The following CAMKK1 variants were observed in gnomAD, a reference collection of about 807,000 sequenced individuals.
CAMKK1 encodes calcium/calmodulin dependent protein kinase kinase 1.
A neutral mutation model predicts 63.5 loss-of-function variants in CAMKK1; 20 were observed. The observed-to-expected ratio is 0.32, with a 90% CI of 0.22 to 0.46. The LOEUF is 0.46. Ranked by LOEUF, CAMKK1 falls within the 20% of genes least tolerant of loss-of-function variation. CAMKK1 has a pLI of 1.00. For missense variants in CAMKK1, 588 were observed against 658.1 expected (o/e 0.89, Z 1.17); for synonymous variants, 253 against 269.0 (o/e 0.94, Z 0.58).
At chr17:3,880,758 A>G (rs2055373857) in intron 8 of CAMKK1, among the ~76,000 whole-genome samples, 1 of 150,508 alleles carries the variant, frequency 6.6e-6, no homozygotes, top group East Asian at 2.0e-4. Context: ...GAGGATCATG[A>G]AATCAATTTA....
Position 3,883,992 on chromosome 17 carries a change from A to C in CAMKK1, c.409-55T>G, listed in dbSNP as rs1417990533. On this transcript the variant is annotated intron_variant, in intron 3 of 15. Transcript: ENST00000348335. The surrounding 1 kb of genome is among the most constrained non-coding windows in gnomAD (Gnocchi z 4.7). ...GGACAGGGCAACCCCTCCCAGGACC[A>C]GCTCAGGAGGTGGGGAGCCGAGCAG... 1.2e-5 allele frequency: 19 copies of C among 1,565,196 alleles called. No homozygotes were observed. The East Asian group carries it at 3.8e-4, about 31-fold the overall frequency.
intron 14 of CAMKK1, among the ~76,000 whole-genome samples, chr17:3,867,647 C>A (rs528253673): frequency 1.3e-5 from 2 of 152,176 alleles, no homozygotes; most frequent in South Asian, 4.1e-4. Flanking sequence ...CCAGCGACCC[C>A]ACAGAGTCAA....
In CAMKK1 at chr17:3,890,751, C is replaced by T; in HGVS notation, c.-44+2188G>A. 2 of 779,814 alleles carry T rather than the reference C, an allele frequency of 2.6e-6. No individual in the cohort carries two copies. Among genetic ancestry groups the T allele is most frequent in the South Asian group, 2.7e-5 (2 of 74,626 alleles). The allele number at this position is 779,814 out of a possible 1,614,324, so 48.3% of individuals were successfully genotyped here. A position where few individuals can be genotyped will look rare whatever the true frequency, so the allele number is the denominator to read the frequency against. On this transcript the variant is annotated intron_variant, in intron 1 of 15. Transcript: ENST00000348335. This position sits in a 1 kb window ranked among gnomAD's most constrained non-coding sequence, Gnocchi z 6.5. The stretch of plus-strand genomic sequence containing the variant: ...TGCATACTCTGTTCTGCTGCCAGGC[C>T]TCAGTACAAGCTGTGCCTTCTGCCA...
chr17:3,875,797 A>G (rs1417551966), intron 10 of CAMKK1, among the ~76,000 whole-genome samples: 1 of 151,542 alleles, frequency 6.6e-6, no homozygotes, highest in Admixed American at 6.6e-5. Context: ...TCTGCCCCCC[A>G]CCCTGAGCCC....
rs916541869 is a variant in CAMKK1, at chr17:3,890,418, C to T, written c.-44+2521G>A. On this transcript the variant is annotated intron_variant, in intron 1 of 15. Transcript: ENST00000348335. The surrounding 1 kb of genome is among the most constrained non-coding windows in gnomAD (Gnocchi z 6.5). ...GGTCTCCAGGCCTCATCCTCTGCCCCTCCTCATCCTCCACACCAGGTCTGT... is the reference window on the plus strand; with the variant it reads ...GGTCTCCAGGCCTCATCCTCTGCCCTTCCTCATCCTCCACACCAGGTCTGT... Among the ~76,000 whole-genome samples the T allele has an allele frequency of 2.6e-5, 4 of 152,138 alleles. No homozygotes were observed. The highest frequency in any genetic ancestry group is 7.2e-5 in the African/African-American group (3 of 41,410).
intron 12 of CAMKK1, among the ~76,000 whole-genome samples, chr17:3,871,558 G>T (rs144056959): frequency 6.1e-5 from 9 of 147,184 alleles, no homozygotes; most frequent in Middle Eastern, 3.4e-3. Flanking sequence ...GGGTTTCACC[G>T]TGTTAGCCAG....
At chr17:3,888,351 A>G (rs2055747873) in intron 1 of CAMKK1, among the ~76,000 whole-genome samples, 1 of 152,226 alleles carries the variant, frequency 6.6e-6, no homozygotes, top group South Asian at 2.1e-4. Flanking sequence ...GGGGTCACCC[A>G]GCAAGTCGGG....
In CAMKK1 at chr17:3,883,213, T is replaced by G. The variant is rs952404247; in HGVS notation, c.515-38A>C. The G allele has an allele frequency of 3.1e-6, 5 of 1,604,360 alleles. No homozygotes were observed. Among genetic ancestry groups the G allele is most frequent in the Non-Finnish European group, 4.2e-6 (5 of 1,178,404 alleles). ...AGAGAACTCAAACACCTGTTCCAGG[T>G]GGCTGGGCCTCACCGTGGCCCCCAA... On this transcript the variant is annotated intron_variant, in intron 5 of 15. Transcript: ENST00000348335. The surrounding 1 kb of genome is among the most constrained non-coding windows in gnomAD (Gnocchi z 4.7).
chr17:3,890,753 C>T lies in CAMKK1; in HGVS notation c.-44+2186G>A. ...CATACTCTGTTCTGCTGCCAGGCCT[C>T]AGTACAAGCTGTGCCTTCTGCCAGG... On this transcript the variant is annotated intron_variant, in intron 1 of 15. Transcript: ENST00000348335. The surrounding 1 kb of genome is among the most constrained non-coding windows in gnomAD (Gnocchi z 6.5). 1 of 779,820 alleles carries T rather than the reference C, an allele frequency of 1.3e-6. No homozygotes were observed. The highest frequency in any genetic ancestry group is 2.4e-6 in the Non-Finnish European group (1 of 417,982). The allele number at this position is 779,820 out of a possible 1,614,324, so 48.3% of individuals were successfully genotyped here. A position where few individuals can be genotyped will look rare whatever the true frequency, so the allele number is the denominator to read the frequency against.
Position 3,883,224 on chromosome 17 carries a change from C to A in CAMKK1, c.515-49G>T. ...ACACCTGTTCCAGGTGGCTGGGCCT[C>A]ACCGTGGCCCCCAAACCAGTCTCAA... is the stretch of plus-strand genomic sequence containing the variant. On this transcript the variant is annotated intron_variant, in intron 5 of 15. Transcript: ENST00000348335. This position sits in a 1 kb window ranked among gnomAD's most constrained non-coding sequence, Gnocchi z 4.7. The A allele has an allele frequency of 6.2e-7, 1 of 1,602,352 alleles. No individual in the cohort carries two copies.
At chr17:3,870,437 C>G (rs543115378) in intron 12 of CAMKK1, among the ~76,000 whole-genome samples, 1 of 152,044 alleles carries the variant, frequency 6.6e-6, no homozygotes, top group East Asian at 1.9e-4. Context: ...GCAATCTCGG[C>G]TCACTGCAAG....
rs869219931 is a variant in CAMKK1, at chr17:3,871,347, G to GTTTTTTTTTTTTTTT, written c.1124+1192_1124+1206dup. Among the ~76,000 whole-genome samples the GTTTTTTTTTTTTTTT allele has an allele frequency of 1.8e-3, 184 of 104,348 alleles. 2 individuals are homozygous for GTTTTTTTTTTTTTTT. The highest frequency in any genetic ancestry group is 2.4e-3 in the Non-Finnish European group (127 of 52,802). 68.5% of individuals were successfully genotyped at this position (104,348 alleles called of 152,430 possible). On this transcript the variant is annotated intron_variant, in intron 12 of 15. Coordinates refer to ENST00000348335, the MANE Select transcript of CAMKK1 (RefSeq NM_032294.3). ...TGTTGTTTTTTGTTTTTTTTTTTTT[G>GTTTTTTTTTTTTTTT]TTTTTTTTTTTTTTTTTTTTTTTTT...
At chr17:3,874,512 C>A (rs1407636175) in intron 10 of CAMKK1, among the ~76,000 whole-genome samples, 1 of 152,190 alleles carries the variant, frequency 6.6e-6, no homozygotes, top group African/African-American at 2.4e-5. Context: ...GCTGGAATTA[C>A]AGGTGCCTGC....
chr17:3,868,318 T>C (rs1429040727), intron 14 of CAMKK1, among the ~76,000 whole-genome samples: 2 of 143,770 alleles, frequency 1.4e-5, no homozygotes, highest in Non-Finnish European at 3.1e-5. Context: ...ACCGTCTAAC[T>C]GATACACAGG....
chr17:3,876,889 T>C (rs964124734), intron 9 of CAMKK1, among the ~76,000 whole-genome samples: 2 of 151,524 alleles, frequency 1.3e-5, no homozygotes, highest in Admixed American at 6.6e-5. Context: ...TCCCGAGTAG[T>C]TGGGATTACA....
chr17:3,865,871 G>C (rs760620973), intron 15 of CAMKK1, 37 bp downstream of exon 15: 2 of 1,612,926 alleles, frequency 1.2e-6, no homozygotes, highest in Non-Finnish European at 8.5e-7. Context: ...CCCAACTCCA[G>C]GGAGTGCCCG....
In CAMKK1 at chr17:3,882,256, C is replaced by T. The variant is rs1482147533; in HGVS notation, c.685+272G>A. The T allele has an allele frequency of 2.5e-6, 4 of 1,608,898 alleles. No homozygotes were observed. The highest frequency in any genetic ancestry group is 3.4e-5 in the Admixed American group (2 of 59,668). On this transcript the variant is annotated intron_variant, in intron 7 of 15. Transcript: ENST00000348335. This position sits in a 1 kb window ranked among gnomAD's most constrained non-coding sequence, Gnocchi z 4.3. ...CCATGCAGCCTGCTTCCTGCATCTA[C>T]CTGAGCGCGCAGCCCACGTGGATCC...
intron 11 of CAMKK1, among the ~76,000 whole-genome samples, chr17:3,872,897 C>T (rs555819719): frequency 5.3e-5 from 8 of 152,310 alleles, no homozygotes; most frequent in African/African-American, 1.7e-4. Context: ...CCACCATTAC[C>T]GCCACCTGTG....
intron 10 of CAMKK1, among the ~76,000 whole-genome samples, chr17:3,874,669 G>A (rs1290663137): frequency 1.3e-5 from 2 of 151,506 alleles, no homozygotes; most frequent in East Asian, 2.0e-4. Flanking sequence ...CACCATGCCC[G>A]GCTAATTTTT....
Sources: allele counts gnomAD v4.1 joint callset (sites outside exome capture counted in the v4.1 genomes callset), GRCh38; gene constraint gnomAD v4.1.1; non-coding constraint Gnocchi (gnomAD v3.1); transcripts MANE v1.5; gene names NCBI Gene and HGNC (gene_info 2026-07-23, HGNC 2026-07-21).